SSBP4: variants seen among roughly 807,000 people sequenced by gnomAD.
SSBP4 encodes the protein single stranded DNA binding protein 4.
Under a neutral mutation model 64.6 loss-of-function variants are expected in SSBP4, and 33 were observed. The ratio of observed to expected loss-of-function variants is 0.51; its 90% CI spans 0.39 to 0.68. The LOEUF (loss-of-function observed/expected upper bound fraction) is 0.68. Ranked by LOEUF, SSBP4 falls within the 30% of genes least tolerant of loss-of-function variation. SSBP4 has a pLI of 0.00. For missense variants in SSBP4, 583 were observed against 566.8 expected, an observed-to-expected ratio of 1.03 and a Z score of -0.29; for synonymous variants, 243 against 224.0, an observed-to-expected ratio of 1.08 and a Z score of -0.76.
Position 18,427,255 on chromosome 19 carries a change from C to A in SSBP4, c.60-96C>A. ...CCCTGCTGAGCAGCTGGTGGGGAGG[C>A]CACCTTTCCACCCGCCCTCCTGAGA... On this transcript the variant is annotated intron_variant, in intron 1 of 17. Transcript: ENST00000270061. The surrounding 1 kb of genome is among the most constrained non-coding windows in gnomAD (Gnocchi z 4.4). 3 of 1,317,068 alleles carry A rather than the reference C, an allele frequency of 2.3e-6. No homozygotes were observed. Among genetic ancestry groups the A allele is most frequent in the Non-Finnish European group, 3.2e-6 (3 of 945,696 alleles). The allele number at this position is 1,317,068 out of a possible 1,614,324, so 81.6% of individuals were successfully genotyped here. A position where few individuals can be genotyped will look rare whatever the true frequency, so the allele number is the denominator to read the frequency against.
the SSBP4 span, among the ~76,000 whole-genome samples, chr19:18,406,961 T>C: frequency 1.3e-5 from 2 of 152,190 alleles, no homozygotes; most frequent in Non-Finnish European, 2.9e-5. Context: ...TTCCAAGCTG[T>C]GTGACCTAGG....
upstream of SSBP4, among the ~76,000 whole-genome samples, chr19:18,415,246 G>A (rs939798120): frequency 5.3e-5 from 8 of 152,212 alleles, no homozygotes; most frequent in African/African-American, 1.7e-4. Flanking sequence ...ACGCACGCAC[G>A]GCTGGGGAGG....
At chr19:18,406,826 G>A in the SSBP4 span, among the ~76,000 whole-genome samples, 22 of 152,046 alleles carry the variant, frequency 1.4e-4, no homozygotes, top group Admixed American at 1.1e-3. Context: ...ACCAGAAGTA[G>A]GTGTAATGAC....
upstream of SSBP4, chr19:18,419,368 G>A: frequency 9.8e-7 from 1 of 1,025,376 alleles, no homozygotes; most frequent in Non-Finnish European, 1.2e-6. Context: ...AGCGGGCGGG[G>A]GCGCGCGCGG....
chr19:18,402,816 C>T, the SSBP4 span, among the ~76,000 whole-genome samples: 4 of 152,160 alleles, frequency 2.6e-5, no homozygotes, highest in South Asian at 8.3e-4. Context: ...AAGATTTCTC[C>T]CCATGGGATA....
Position 18,431,446 on chromosome 19 carries a change from C to T in SSBP4, c.435+28C>T, listed in dbSNP as rs772843090. ...AAGGAGCTGTGGTGCCTGCCCCTCACACACACACATCCCCTCCCCCAGCGC... is the reference window on the plus strand; with the variant it reads ...AAGGAGCTGTGGTGCCTGCCCCTCATACACACACATCCCCTCCCCCAGCGC... On this transcript the variant is annotated intron_variant, in intron 6 of 17. Coordinates refer to ENST00000270061, the MANE Select transcript of SSBP4 (RefSeq NM_032627.5). 6 of 1,330,214 alleles carry T rather than the reference C, an allele frequency of 4.5e-6. No homozygotes were observed. In the Admixed American group the frequency reaches 6.9e-5, roughly 15 times the overall value. 82.4% of individuals were successfully genotyped at this position (1,330,214 alleles called of 1,614,324 possible). A position where few individuals can be genotyped will look rare whatever the true frequency, so the allele number is the denominator to read the frequency against.
In SSBP4 at chr19:18,431,661, GC is replaced by G; in HGVS notation, c.451del (p.Arg151AlafsTer50). On this transcript the variant is annotated frameshift_variant, in exon 7 of 18. Coordinates refer to ENST00000270061, the MANE Select transcript of SSBP4 (RefSeq NM_032627.5). LOFTEE classifies it high-confidence loss of function. Reference protein sequence around the residue: ...GPHGQPFMSPRFPGGPRPTLR... With the variant: ...GPHGQPFMSPXFPGGPRPTLR... The stretch of plus-strand genomic sequence containing the variant: ...ACCTCTTCCAGCCCTTCATGTCACC[GC>G]GCTTCCCAGGGGGCCCCCGGCCCAC... 1 of 1,552,210 alleles carries G rather than the reference GC, an allele frequency of 6.4e-7. No homozygotes were observed. Among genetic ancestry groups the G allele is most frequent in the South Asian group, 1.2e-5 (1 of 84,458 alleles).
chr19:18,432,858 A>G lies in SSBP4; in HGVS notation c.816A>G (p.Gly272=). 6.2e-7 allele frequency: 1 copy of G among 1,613,926 alleles called. No homozygotes were observed. The change falls in exon 13 of 18, where the codon GGA becomes GGG. Residue 272 remains glycine (G), a synonymous_variant. Coordinates refer to ENST00000270061, the MANE Select transcript of SSBP4 (RefSeq NM_032627.5). ...TGPPGGGGPP[G]TPIMPSPGDS... ...CCCCAGGAGGAGGTGGGCCCCCTGG[A>G]ACACCCATCATGCCTAGCCCTGGAG... is the stretch of plus-strand genomic sequence containing the variant.
rs1379155436 is a variant in SSBP4 at position 18,433,041 on chromosome 19, A to G, written c.910A>G (p.Asn304Asp). Reference protein sequence around the residue: ...NPIGQGAGRANFPLGPGPEGP... With the variant: ...NPIGQGAGRADFPLGPGPEGP... ...CATCGGGCAGGGCGCCGGCAGGGCT[A>G]ATGTGAGTGGGGGCTTGCAGGGGTG... is the stretch of plus-strand genomic sequence containing the variant. The change falls in exon 14 of 18, where the codon AAT (asparagine) becomes GAT (aspartate). Residue 304 changes from asparagine (N) to aspartate (D), a missense_variant and splice_region_variant. Transcript: ENST00000270061. 6.2e-7 allele frequency: 1 copy of G among 1,613,952 alleles called. No homozygotes were observed. Among genetic ancestry groups the G allele is most frequent in the South Asian group, 1.1e-5 (1 of 91,084 alleles).
In SSBP4 at chr19:18,431,721, AGGGGAGGGCGGGCAGGAGCTGGGCC is replaced by A; in HGVS notation, c.495+24_496-39del. ...TGCCGAGTCAGGTGAGAAAGGGATG[AGGGGAGGGCGGGCAGGAGCTGGGCC>A]GGGGAGGGAGCACCCCACACTCAGT... On this transcript the variant is annotated intron_variant, in intron 7 of 17. Transcript: ENST00000270061. 1 of 1,547,004 alleles carries A rather than the reference AGGGGAGGGCGGGCAGGAGCTGGGCC, an allele frequency of 6.5e-7. No individual in the cohort carries two copies. Among genetic ancestry groups the A allele is most frequent in the Non-Finnish European group, 8.7e-7 (1 of 1,144,960 alleles).
chr19:18,432,528 C>CTGT, intron 10 of SSBP4, 31 bp from the exon 11 acceptor site: 2 of 1,551,522 alleles, frequency 1.3e-6, no homozygotes, highest in Non-Finnish European at 1.7e-6. Context: ...ATGGACTAGC[C>CTGT]CCAGAGTCTG....
At chr19:18,414,042 G>C (rs890541893), upstream of SSBP4, among the ~76,000 whole-genome samples, 1 of 150,164 alleles carries the variant, frequency 6.7e-6, no homozygotes, top group African/African-American at 2.5e-5. Flanking sequence ...CAAAAAAAAC[G>C]GCATTCCCTC....
Position 18,428,551 on chromosome 19 carries a change from C to G in SSBP4, c.279+569C>G, listed in dbSNP as rs536916597. On this transcript the variant is annotated intron_variant, in intron 4 of 17. Transcript: ENST00000270061. ...CCTGGCTAACACTAGGGGATGGCAGCCTCCTGTTGTCATGGGGCAGCAGAT... is the reference window on the plus strand; with the variant it reads ...CCTGGCTAACACTAGGGGATGGCAGGCTCCTGTTGTCATGGGGCAGCAGAT... 5.3e-5 allele frequency among the ~76,000 whole-genome samples: 8 copies of G among 152,294 alleles called. No individual in the cohort carries two copies. In the East Asian group the frequency reaches 1.5e-3, roughly 29 times the overall value.
intron 17 of SSBP4, 161 bp from the exon 18 acceptor site, chr19:18,434,056 G>A: frequency 8.9e-7 from 1 of 1,120,184 alleles, no homozygotes; most frequent in Non-Finnish European, 1.1e-6. Context: ...GCCCCAGGGC[G>A]GCCTTCCCAT....
rs781502169 is a variant in SSBP4, at chr19:18,431,635, C to T, written c.436-12C>T. The T allele has an allele frequency of 3.2e-6, 5 of 1,542,866 alleles. No individual in the cohort carries two copies. Among genetic ancestry groups the T allele is most frequent in the Admixed American group, 1.9e-5 (1 of 51,332 alleles). On this transcript the variant is annotated splice_polypyrimidine_tract_variant and intron_variant, in intron 6 of 17. Transcript: ENST00000270061. The stretch of plus-strand genomic sequence containing the variant: ...GTGGGGGAAGGTGCTGATCCCCGCC[C>T]ACCTCTTCCAGCCCTTCATGTCACC...
the SSBP4 span, among the ~76,000 whole-genome samples, chr19:18,411,352 G>A: frequency 9.8e-4 from 149 of 152,144 alleles, 1 homozygote; most frequent in African/African-American, 3.3e-3. Flanking sequence ...AAAAGTAGCC[G>A]GGCGTGGTGG....
rs377656830 is a variant in SSBP4, at chr19:18,434,254, G to A, written c.*8G>A. The A allele has an allele frequency of 1.2e-5, 20 of 1,610,824 alleles. No homozygotes were observed. Among genetic ancestry groups the A allele is most frequent in the Non-Finnish European group, 1.5e-5 (18 of 1,179,188 alleles). On this transcript the variant is annotated 3_prime_UTR_variant, in exon 18 of 18. Transcript: ENST00000270061. ...ATGACCATGAGCGTGTGATGGGGCG[G>A]CAGCCCCGGGCCTCTCTGCGGGCCT...
At position 18,427,627 on chromosome 19, in the gene SSBP4, C is replaced by A; in HGVS notation, c.133-125C>A. On this transcript the variant is annotated intron_variant, in intron 2 of 17. Coordinates refer to ENST00000270061, the MANE Select transcript of SSBP4 (RefSeq NM_032627.5). The surrounding 1 kb of genome is among the most constrained non-coding windows in gnomAD (Gnocchi z 4.4). ...GGGACCTGCCACACATCCTGGGGCC[C>A]TCTGCCCACCCTGTTACCCTTCCCT... is the stretch of plus-strand genomic sequence containing the variant. The A allele has an allele frequency of 7.9e-7, 1 of 1,265,456 alleles. No individual in the cohort carries two copies. The allele number at this position is 1,265,456 out of a possible 1,614,324, so 78.4% of individuals were successfully genotyped here.
Position 18,433,777 on chromosome 19 carries a change from C to A in SSBP4, c.1088C>A (p.Ala363Glu). The A allele has an allele frequency of 7.0e-7, 1 of 1,431,340 alleles. No individual in the cohort carries two copies. Among genetic ancestry groups the A allele is most frequent in the East Asian group, 3.1e-5 (1 of 31,866 alleles). The allele number at this position is 1,431,340 out of a possible 1,614,324, so 88.7% of individuals were successfully genotyped here. A position where few individuals can be genotyped will look rare whatever the true frequency, so the allele number is the denominator to read the frequency against. ...PGTPRDDGEM[A>E]AAGTFLHPFP... Reference sequence around the variant, plus strand: ...ACCCCGCGGGACGACGGCGAGATGGCGGCCGCCGGGACCTTCCTGCACCCG... The same window carrying A: ...ACCCCGCGGGACGACGGCGAGATGGAGGCCGCCGGGACCTTCCTGCACCCG... Residue 363 changes from alanine (A) to glutamate (E), a missense_variant, in exon 17 of 18, where the codon GCG (alanine) becomes GAG (glutamate). Around this residue, in one of 5 missense-constraint regions of SSBP4, gnomAD observed 31 missense variants for 58.5 expected, o/e 0.53. Coordinates refer to ENST00000270061, the MANE Select transcript of SSBP4 (RefSeq NM_032627.5).
Sources: gnomAD v4.1 joint callset for allele counts (sites outside exome capture counted in the v4.1 genomes callset) on GRCh38, gnomAD v4.1.1 for gene constraint, gnomAD v4.1.1 regional missense constraint, Gnocchi (gnomAD v3.1) non-coding constraint, MANE v1.5 for transcripts, NCBI Gene and HGNC (gene_info 2026-07-23, HGNC 2026-07-21) for gene names.